The following SV2C variants were observed in gnomAD, a reference collection of about 807,000 sequenced individuals.
The protein encoded by SV2C is synaptic vesicle glycoprotein 2C, also known as solute carrier family 22 member B3.
In SV2C, 49 loss-of-function variants were observed where a neutral mutation model predicts 79.7. The observed-to-expected ratio is 0.61, with a 90% CI of 0.49 to 0.78. The LOEUF is 0.78. SV2C is among the 30% of genes least tolerant of loss of function. SV2C has a pLI of 0.00. For missense variants in SV2C, 833 were observed against 912.9 expected (o/e 0.91, Z 1.13); for synonymous variants, 334 against 333.2 (o/e 1.00, Z -0.03).
the SV2C span, among the ~76,000 whole-genome samples, chr5:75,871,849 A>C: frequency 8.8e-6 from 1 of 114,074 alleles, no homozygotes; most frequent in Non-Finnish European, 1.8e-5. Flanking sequence ...ACACACACAC[A>C]CACACACACG....
rs531866211 is a variant in SV2C at position 76,234,980 on chromosome 5, A to C, written c.913+25093A>C. Reference sequence around the variant, plus strand: ...TAAGACAGGGACATTCGATCAGTTTAGATGGAAGAACTAACACAGTTAAAG... The same window carrying C: ...TAAGACAGGGACATTCGATCAGTTTCGATGGAAGAACTAACACAGTTAAAG... On this transcript the variant is annotated intron_variant, in intron 4 of 12. Transcript: ENST00000502798. 5.3e-5 allele frequency among the ~76,000 whole-genome samples: 8 copies of C among 152,352 alleles called. No individual in the cohort carries two copies. The East Asian group carries it at 7.7e-4, about 15-fold the overall frequency.
rs1245255244 is a variant in SV2C at position 76,291,806 on chromosome 5, CAG to C, written c.1288_1289del (p.Arg430GlyfsTer2). On this transcript the variant is annotated frameshift_variant, in exon 8 of 13. Transcript: ENST00000502798. LOFTEE classifies it high-confidence loss of function. ...TTATGAGATGTTTCAACTACCCAGTCAGGGATAATACAATAAAGCTTACAATT... is the reference window on the plus strand; with the variant it reads ...TTATGAGATGTTTCAACTACCCAGTCGGATAATACAATAAAGCTTACAATT... The part of the protein sequence containing the change: ...TFMRCFNYPV[R>X]DNTIKLTIVW... 2.9e-5 allele frequency: 47 copies of C among 1,610,800 alleles called. No individual in the cohort carries two copies. The highest frequency in any genetic ancestry group is 4.0e-5 in the Non-Finnish European group (47 of 1,178,232).
At chr5:75,871,592 A>T in the SV2C span, among the ~76,000 whole-genome samples, 2 of 151,938 alleles carry the variant, frequency 1.3e-5, no homozygotes, top group Non-Finnish European at 2.9e-5. Context: ...GGTGGGTCAC[A>T]AGGTCAGGAG....
the SV2C span, among the ~76,000 whole-genome samples, chr5:76,000,195 A>T: frequency 6.6e-6 from 1 of 152,154 alleles, no homozygotes; most frequent in Non-Finnish European, 1.5e-5. Context: ...GGCATCTTTC[A>T]TGAAGCCTTT....
intron 4 of SV2C, among the ~76,000 whole-genome samples, chr5:76,252,366 C>T (rs1049197433): frequency 1.3e-5 from 2 of 152,198 alleles, no homozygotes; most frequent in African/African-American, 4.8e-5. Flanking sequence ...GGTGATCCTA[C>T]CCGCCTTGGC....
chr5:76,216,816 AG>A (rs1467168508), intron 4 of SV2C, among the ~76,000 whole-genome samples: 2 of 152,198 alleles, frequency 1.3e-5, no homozygotes, highest in African/African-American at 2.4e-5. Flanking sequence ...CCAGTACCTC[AG>A]GGGAAATGGG....
rs571820848 is a variant in SV2C at position 76,327,254 on chromosome 5, G to A, written c.*1707G>A. The A allele has an allele frequency of 2.6e-5, 4 of 152,164 alleles. No homozygotes were observed. The highest frequency in any genetic ancestry group is 7.2e-5 in the African/African-American group (3 of 41,412). The allele number at this position is 152,164 out of a possible 1,614,324, so 9.4% of individuals were successfully genotyped here. On this transcript the variant is annotated 3_prime_UTR_variant, in exon 13 of 13. Coordinates refer to ENST00000502798, the MANE Select transcript of SV2C (RefSeq NM_014979.4). The stretch of plus-strand genomic sequence containing the variant: ...CTTGAAGTAATTCAGGTCTGCAGAG[G>A]GGGGAAGACTGGTGTTGGGGGCAGT...
At chr5:75,997,785 A>G in the SV2C span, among the ~76,000 whole-genome samples, 1 of 152,206 alleles carries the variant, frequency 6.6e-6, no homozygotes, top group Non-Finnish European at 1.5e-5. Flanking sequence ...TAGTGTGGCA[A>G]TTCCTCAGGG....
At chr5:75,883,844 TAAAAAAAAAAC>T in the SV2C span, among the ~76,000 whole-genome samples, 3 of 141,346 alleles carry the variant, frequency 2.1e-5, no homozygotes, top group Non-Finnish European at 3.1e-5. Context: ...TAATAATATT[TAAAAAAAAAAC>T]AAAAAAAAAA....
the SV2C span, among the ~76,000 whole-genome samples, chr5:75,917,325 C>A: frequency 6.6e-6 from 1 of 152,132 alleles, no homozygotes; most frequent in African/African-American, 2.4e-5. Flanking sequence ...GCATTTTTAC[C>A]TTCTCTGCCT....
chr5:76,013,568 T>A, the SV2C span, among the ~76,000 whole-genome samples: 3 of 152,200 alleles, frequency 2.0e-5, no homozygotes, highest in African/African-American at 7.2e-5. Context: ...ACAATTTGAC[T>A]TCCTCTCTTC....
At chr5:76,335,230 C>G (rs187789422), downstream of SV2C, among the ~76,000 whole-genome samples, 1 of 152,194 alleles carries the variant, frequency 6.6e-6, no homozygotes, top group African/African-American at 2.4e-5. Flanking sequence ...TTGGAACCAG[C>G]TCTCACTTCT....
chr5:76,324,530 G>A (rs1748925588), intron 12 of SV2C, among the ~76,000 whole-genome samples: 1 of 152,082 alleles, frequency 6.6e-6, no homozygotes, highest in Non-Finnish European at 1.5e-5. Context: ...TTGGATAGAG[G>A]AGGATTAAAG....
chr5:76,347,825 C>T (rs886469864), intron 12 of SV2C, among the ~76,000 whole-genome samples: 7 of 152,112 alleles, frequency 4.6e-5, no homozygotes, highest in African/African-American at 1.7e-4. Flanking sequence ...CAGAGAGTTC[C>T]CAAATATCCC....
chr5:76,056,700 A>T, the SV2C span, among the ~76,000 whole-genome samples: 10 of 102,414 alleles, frequency 9.8e-5, no homozygotes, highest in African/African-American at 4.0e-4. Flanking sequence ...TTATTGGTCT[A>T]TTCAGGGATT....
At chr5:75,953,059 G>A in the SV2C span, among the ~76,000 whole-genome samples, 1 of 152,012 alleles carries the variant, frequency 6.6e-6, no homozygotes, top group Non-Finnish European at 1.5e-5. Context: ...TCATGATTCT[G>A]CTGACTGGAA....
the SV2C span, among the ~76,000 whole-genome samples, chr5:76,018,773 T>A: frequency 3.3e-5 from 5 of 152,202 alleles, no homozygotes; most frequent in African/African-American, 1.2e-4. Flanking sequence ...ACTCCACGTA[T>A]TTGTTCAAGG....
At chr5:76,303,880 C>T (rs1286989050) in intron 12 of SV2C, among the ~76,000 whole-genome samples, 2 of 152,148 alleles carry the variant, frequency 1.3e-5, no homozygotes, top group African/African-American at 4.8e-5. Context: ...TATGGGAGAG[C>T]TGCAATGCAA....
At chr5:76,138,479 A>G (rs982323498) in intron 2 of SV2C, among the ~76,000 whole-genome samples, 1 of 152,202 alleles carries the variant, frequency 6.6e-6, no homozygotes, top group Non-Finnish European at 1.5e-5. Flanking sequence ...AAAAACCTTA[A>G]TAGAAGATAT....
Sources: gnomAD v4.1 joint callset for allele counts (sites outside exome capture counted in the v4.1 genomes callset) on GRCh38, gnomAD v4.1.1 for gene constraint, MANE v1.5 for transcripts, NCBI Gene and HGNC (gene_info 2026-07-23, HGNC 2026-07-21) for gene names.